The following SFXN5 variants were observed in gnomAD, a reference collection of about 807,000 sequenced individuals.
SFXN5 encodes sideroflexin 5, also known as sideroflexin-5.
Under a neutral mutation model 50.2 loss-of-function variants are expected in SFXN5, and 43 were observed. That is an observed-to-expected ratio of 0.86 (90% CI 0.67 to 1.11). SFXN5 has a LOEUF of 1.11. Among genes scored for constraint, SFXN5 ranks in the 50% least tolerant of loss-of-function variants. SFXN5 has a pLI of 0.00. For synonymous variants in SFXN5, 203 were observed against 185.8 expected, an observed-to-expected ratio of 1.09 and a Z score of -0.75; for missense variants, 463 against 454.1, an observed-to-expected ratio of 1.02 and a Z score of -0.18.
chr2:72,959,334 C>G (rs972567653), intron 13 of SFXN5, among the ~76,000 whole-genome samples: 48 of 152,238 alleles, frequency 3.2e-4, no homozygotes, highest in Non-Finnish European at 6.2e-4. Context: ...CCCCTCACCC[C>G]CAACCTGACA....
chr2:73,053,757 C>A (rs548912789), intron 2 of SFXN5, among the ~76,000 whole-genome samples: 1 of 151,814 alleles, frequency 6.6e-6, no homozygotes, highest in African/African-American at 2.4e-5. Context: ...TACTTCTGGA[C>A]CCCCCAGCTT....
At chr2:72,971,221 G>A (rs966978879) in intron 11 of SFXN5, among the ~76,000 whole-genome samples, 1 of 152,162 alleles carries the variant, frequency 6.6e-6, no homozygotes, top group East Asian at 1.9e-4. Flanking sequence ...GTGAAGGCCC[G>A]GGAGGTAGGG....
chr2:73,070,576 C>T (rs1273228478), intron 1 of SFXN5: 1 of 152,248 alleles, frequency 6.6e-6, no homozygotes, highest in Non-Finnish European at 1.5e-5. Flanking sequence ...CTAATAAATT[C>T]CGTCTCATTG....
intron 3 of SFXN5, among the ~76,000 whole-genome samples, chr2:73,032,943 C>T (rs1303670693): frequency 6.6e-6 from 1 of 152,120 alleles, no homozygotes; most frequent in African/African-American, 2.4e-5. Context: ...GGTGAGGGTA[C>T]CCCCAATTCT....
rs115132421 is a variant in SFXN5 at position 72,960,229 on chromosome 2, C to T, written c.945+902G>A. ...ACATCCCACAGGCTCCTCAACCCCG[C>T]GTGTCCATCCAACTGACCCACTGCC... is the stretch of plus-strand genomic sequence containing the variant. On this transcript the variant is annotated intron_variant, in intron 13 of 13. Coordinates refer to ENST00000272433, the MANE Select transcript of SFXN5 (RefSeq NM_144579.3). This position sits in a 1 kb window ranked among gnomAD's most constrained non-coding sequence, Gnocchi z 6.1. Among the ~76,000 whole-genome samples, 608 of 152,228 alleles carry T rather than the reference C, an allele frequency of 4.0e-3. 3 individuals carry two copies. Among genetic ancestry groups the T allele is most frequent in the African/African-American group, 0.014 (580 of 41,526 alleles).
At chr2:72,985,720 C>T (rs779205443) in intron 10 of SFXN5, among the ~76,000 whole-genome samples, 1 of 152,138 alleles carries the variant, frequency 6.6e-6, no homozygotes, top group African/African-American at 2.4e-5. Context: ...TTATGCAACC[C>T]GTGAGGGATG....
chr2:72,951,086 G>C (rs1672481999), intron 13 of SFXN5, among the ~76,000 whole-genome samples: 1 of 152,066 alleles, frequency 6.6e-6, no homozygotes, highest in South Asian at 2.1e-4. Context: ...TGGAGGGCAG[G>C]GGCTGCAGGG....
chr2:73,017,066 T>A (rs555134066), intron 6 of SFXN5, among the ~76,000 whole-genome samples: 2 of 152,192 alleles, frequency 1.3e-5, no homozygotes, highest in African/African-American at 4.8e-5. Flanking sequence ...TTGTTTTCAG[T>A]GAATGTATAC....
intron 3 of SFXN5, among the ~76,000 whole-genome samples, chr2:73,035,902 A>T (rs1186731921): frequency 6.6e-6 from 1 of 152,192 alleles, no homozygotes; most frequent in Non-Finnish European, 1.5e-5. Context: ...AACAATCAAT[A>T]CATTTGCGCA....
chr2:72,949,491 A>T (rs778847213), intron 13 of SFXN5, among the ~76,000 whole-genome samples: 1 of 152,094 alleles, frequency 6.6e-6, no homozygotes, highest in Non-Finnish European at 1.5e-5. Flanking sequence ...TATTTTAAAA[A>T]TTTTTACAGA....
chr2:72,971,525 T>G, intron 11 of SFXN5, 45 bp downstream of exon 11: 2 of 1,421,368 alleles, frequency 1.4e-6, no homozygotes, highest in Non-Finnish European at 9.9e-7. Context: ...ACCACTCCCC[T>G]CCCCTGTTGC....
intron 3 of SFXN5, 70 bp downstream of exon 3, chr2:73,040,784 G>T: frequency 1.5e-6 from 2 of 1,303,320 alleles, no homozygotes; most frequent in Non-Finnish European, 2.2e-6. Flanking sequence ...TGGCTGCAGC[G>T]AAGGGTTTGT....
At chr2:72,964,998 G>A (rs935886880) in intron 12 of SFXN5, among the ~76,000 whole-genome samples, 2 of 152,226 alleles carry the variant, frequency 1.3e-5, no homozygotes, top group African/African-American at 4.8e-5. Flanking sequence ...ACCTAAGTGA[G>A]GACAGGCATT....
At chr2:73,033,917 T>C (rs966677373) in intron 3 of SFXN5, among the ~76,000 whole-genome samples, 1 of 152,054 alleles carries the variant, frequency 6.6e-6, no homozygotes, top group Non-Finnish European at 1.5e-5. Context: ...GCCAGGCAGG[T>C]TGCTAAACAC....
At chr2:72,990,010 G>A (rs1165940793) in intron 9 of SFXN5, among the ~76,000 whole-genome samples, 3 of 152,228 alleles carry the variant, frequency 2.0e-5, no homozygotes, top group Non-Finnish European at 4.4e-5. Flanking sequence ...TGGGGAGGAC[G>A]CAGAGCCTTG....
intron 10 of SFXN5, among the ~76,000 whole-genome samples, chr2:72,984,485 G>A (rs1464252368): frequency 1.3e-5 from 2 of 152,262 alleles, no homozygotes; most frequent in African/African-American, 4.8e-5. Context: ...TATCTCACAG[G>A]GCTTGAAATA....
At chr2:72,957,723 G>A (rs1015673732) in intron 13 of SFXN5, among the ~76,000 whole-genome samples, 1 of 152,248 alleles carries the variant, frequency 6.6e-6, no homozygotes, top group Admixed American at 6.5e-5. Context: ...TTGGGAGAGT[G>A]AATGCGGAAA....
At chr2:73,053,136 C>T (rs554336239) in intron 2 of SFXN5, among the ~76,000 whole-genome samples, 3 of 151,388 alleles carry the variant, frequency 2.0e-5, no homozygotes, top group African/African-American at 4.9e-5. Context: ...AAGATGCCAC[C>T]GCACTCCAGC....
At chr2:73,063,421 T>G (rs1198091332) in intron 1 of SFXN5, among the ~76,000 whole-genome samples, 1 of 152,086 alleles carries the variant, frequency 6.6e-6, no homozygotes, top group Non-Finnish European at 1.5e-5. Context: ...TTAAGGAAGA[T>G]AGAGTAAAAT....
Sources: allele counts gnomAD v4.1 joint callset (sites outside exome capture counted in the v4.1 genomes callset), GRCh38; gene constraint gnomAD v4.1.1; non-coding constraint Gnocchi (gnomAD v3.1); transcripts MANE v1.5; gene names NCBI Gene and HGNC (gene_info 2026-07-23, HGNC 2026-07-21).